Variants in PARD3 observed in about 807,000 individuals in gnomAD.
PARD3 encodes the protein partitioning defective 3 homolog.
Under a neutral mutation model 155.4 loss-of-function variants are expected in PARD3, and 75 were observed. The observed-to-expected ratio is 0.48, with a 90% CI of 0.40 to 0.58. The LOEUF is 0.58. PARD3 is among the 20% of genes least tolerant of loss of function. The probability of loss-of-function intolerance (pLI) is 0.00; values close to 1 mark genes in which losing one functional copy is unlikely to be tolerated. For missense variants in PARD3, 1,642 were observed against 1,721.7 expected (o/e 0.95, Z 0.82); for synonymous variants, 576 against 610.5 (o/e 0.94, Z 0.83).
chr10:34,728,075 A>G (rs1403085911), intron 1 of PARD3, among the ~76,000 whole-genome samples: 1 of 152,230 alleles, frequency 6.6e-6, no homozygotes, highest in Non-Finnish European at 1.5e-5. Context: ...CTAATTTATT[A>G]GACTCTAGGC....
At chr10:34,737,891 A>T (rs1195194750) in intron 1 of PARD3, among the ~76,000 whole-genome samples, 1 of 152,222 alleles carries the variant, frequency 6.6e-6, no homozygotes, top group Non-Finnish European at 1.5e-5. Context: ...ACACCACGCT[A>T]GGGACGCCTG....
intron 22 of PARD3, among the ~76,000 whole-genome samples, chr10:34,220,624 C>A (rs1242844685): frequency 1.3e-5 from 2 of 152,128 alleles, no homozygotes; most frequent in Admixed American, 1.3e-4. Context: ...TGGAGGAATG[C>A]CTAATTCTGC....
intron 22 of PARD3, among the ~76,000 whole-genome samples, chr10:34,201,174 T>C (rs1348601025): frequency 6.6e-6 from 1 of 152,238 alleles, no homozygotes; most frequent in East Asian, 1.9e-4. Context: ...AGTTCTCATC[T>C]GTCGAAGAAA....
At chr10:34,609,225 ATT>A (rs1196773626) in intron 2 of PARD3, among the ~76,000 whole-genome samples, 5 of 152,314 alleles carry the variant, frequency 3.3e-5, no homozygotes, top group Non-Finnish European at 7.3e-5. Context: ...CAACTCAGTT[ATT>A]TTTGTCAATT....
At chr10:34,485,897 G>C (rs2079419949) in intron 3 of PARD3, among the ~76,000 whole-genome samples, 1 of 146,396 alleles carries the variant, frequency 6.8e-6, no homozygotes, top group Non-Finnish European at 1.5e-5. Flanking sequence ...AGACTATAAT[G>C]TGGCTGTTTA....
chr10:34,562,558 T>G (rs1246133617), intron 2 of PARD3, among the ~76,000 whole-genome samples: 3 of 152,190 alleles, frequency 2.0e-5, no homozygotes, highest in Non-Finnish European at 4.4e-5. Context: ...TGCTTTTCCA[T>G]CTTCCAAGCT....
chr10:34,381,374 G>T lies in PARD3; in HGVS notation c.1399+1166C>A, dbSNP rs1183154697. On this transcript the variant is annotated intron_variant, in intron 9 of 24. Coordinates refer to ENST00000374788, the MANE Select transcript of PARD3 (RefSeq NM_001184785.2). ...TCTTTATAATAATACCATTTTGAAA[G>T]ACATGATTTAAAAATATATCAAAAT... Among the ~76,000 whole-genome samples, 4 of 152,174 alleles carry T rather than the reference G, an allele frequency of 2.6e-5. No individual in the cohort carries two copies. The East Asian group carries it at 7.7e-4, about 29-fold the overall frequency.
intron 1 of PARD3, among the ~76,000 whole-genome samples, chr10:34,764,105 A>G (rs1256938850): frequency 6.6e-6 from 1 of 152,206 alleles, no homozygotes; most frequent in Non-Finnish European, 1.5e-5. Context: ...ACCGTCCTGC[A>G]TGCTAGTTGG....
At chr10:34,249,635 T>G (rs11009696) in intron 22 of PARD3, among the ~76,000 whole-genome samples, 2 of 152,114 alleles carry the variant, frequency 1.3e-5, no homozygotes, top group Non-Finnish European at 2.9e-5. Context: ...GACAGGTGCC[T>G]GGAATTTTGG....
chr10:34,136,843 C>T (rs1373320684), intron 22 of PARD3, among the ~76,000 whole-genome samples: 3 of 152,144 alleles, frequency 2.0e-5, no homozygotes, highest in African/African-American at 7.2e-5. Flanking sequence ...TGTAATTGTC[C>T]CCTGACCCAA....
intron 20 of PARD3, among the ~76,000 whole-genome samples, chr10:34,285,678 ATTT>A (rs1430465413): frequency 7.9e-5 from 12 of 152,160 alleles, no homozygotes; most frequent in Non-Finnish European, 1.8e-4. Flanking sequence ...GATAGCATTG[ATTT>A]TTTTATTAAT....
intron 3 of PARD3, among the ~76,000 whole-genome samples, chr10:34,484,910 T>C (rs2079342495): frequency 1.3e-5 from 2 of 152,258 alleles, no homozygotes; most frequent in South Asian, 4.1e-4. Flanking sequence ...CGTGTCATTG[T>C]GTTTGCCATG....
At chr10:34,431,314 T>TA (rs2075885678) in intron 5 of PARD3, among the ~76,000 whole-genome samples, 1 of 152,198 alleles carries the variant, frequency 6.6e-6, no homozygotes, top group Non-Finnish European at 1.5e-5. Context: ...TCTAGCATTG[T>TA]AGGAATATCT....
chr10:34,122,001 G>A (rs561276531), intron 23 of PARD3, among the ~76,000 whole-genome samples: 1 of 152,176 alleles, frequency 6.6e-6, no homozygotes, highest in Non-Finnish European at 1.5e-5. Flanking sequence ...GATGAGGCTG[G>A]CCAAAAAGGA....
At chr10:34,790,293 T>C (rs1331636140) in intron 1 of PARD3, among the ~76,000 whole-genome samples, 1 of 152,186 alleles carries the variant, frequency 6.6e-6, no homozygotes, top group African/African-American at 2.4e-5. Flanking sequence ...TGGCACTAAT[T>C]TACCAATCAG....
chr10:34,210,782 A>G (rs1951708213), intron 22 of PARD3, among the ~76,000 whole-genome samples: 1 of 152,156 alleles, frequency 6.6e-6, no homozygotes, highest in South Asian at 2.1e-4. Flanking sequence ...AATTTCTAGG[A>G]AAACTAGAAT....
chr10:34,666,796 A>AATATAT (rs1204976062), intron 2 of PARD3, among the ~76,000 whole-genome samples: 9 of 66,952 alleles, frequency 1.3e-4, no homozygotes, highest in African/African-American at 1.8e-4. Flanking sequence ...AAAAAAAAAA[A>AATATAT]ATATATATAT....
chr10:34,456,484 G>C (rs1361871705), intron 4 of PARD3, among the ~76,000 whole-genome samples: 1 of 151,958 alleles, frequency 6.6e-6, no homozygotes, highest in Non-Finnish European at 1.5e-5. Flanking sequence ...TTTTAGTAGA[G>C]ACAGGGTTTC....
At chr10:34,662,010 G>T (rs913536539) in intron 2 of PARD3, among the ~76,000 whole-genome samples, 1 of 152,154 alleles carries the variant, frequency 6.6e-6, no homozygotes, top group African/African-American at 2.4e-5. Context: ...GTTAAATTCT[G>T]CTCCTTTGAC....
Sources: allele counts gnomAD v4.1 joint callset (sites outside exome capture counted in the v4.1 genomes callset), GRCh38; gene constraint gnomAD v4.1.1; transcripts MANE v1.5; gene names NCBI Gene and HGNC (gene_info 2026-07-23, HGNC 2026-07-21).